The following SEZ6L variants were observed in gnomAD, a reference collection of about 807,000 sequenced individuals.
SEZ6L encodes the protein seizure related 6 homolog like.
A neutral mutation model predicts 106.2 loss-of-function variants in SEZ6L; 37 were observed. The observed-to-expected ratio is 0.35, with a 90% CI of 0.27 to 0.46. SEZ6L has a LOEUF of 0.46. SEZ6L is among the 20% of genes least tolerant of loss of function. The pLI, the probability that SEZ6L is intolerant of heterozygous loss-of-function variation, is 1.00. For synonymous variants in SEZ6L, 541 were observed against 570.4 expected (o/e 0.95, Z 0.73); for missense variants, 1,172 against 1,332.8 (o/e 0.88, Z 1.88).
intron 1 of SEZ6L, among the ~76,000 whole-genome samples, chr22:26,222,886 C>T (rs551625901): frequency 4.6e-5 from 7 of 151,992 alleles, no homozygotes; most frequent in Non-Finnish European, 1.0e-4. Flanking sequence ...TGTCTGGAGA[C>T]ATTTCTGGGG....
At chr22:26,264,658 G>A (rs748394543) in intron 1 of SEZ6L, among the ~76,000 whole-genome samples, 2 of 152,172 alleles carry the variant, frequency 1.3e-5, no homozygotes, top group South Asian at 2.1e-4. Flanking sequence ...AGTCTCTGGG[G>A]CATCTATTCA....
intron 16 of SEZ6L, among the ~76,000 whole-genome samples, chr22:26,378,936 T>C (rs145813838): frequency 0.012 from 1,863 of 152,310 alleles, 50 homozygotes; most frequent in African/African-American, 0.043. Flanking sequence ...GGGGCCTAAA[T>C]TAACAACATA....
At chr22:26,194,906 T>C (rs1446108356) in intron 1 of SEZ6L, among the ~76,000 whole-genome samples, 1 of 152,064 alleles carries the variant, frequency 6.6e-6, no homozygotes, top group African/African-American at 2.4e-5. Flanking sequence ...GTTCGAATTA[T>C]CTTATTTTAA....
At chr22:26,295,246 G>A (rs2081268105) in intron 3 of SEZ6L, among the ~76,000 whole-genome samples, 1 of 152,194 alleles carries the variant, frequency 6.6e-6, no homozygotes, top group African/African-American at 2.4e-5. Flanking sequence ...GCCCAGCAGA[G>A]AGAGAGGGAG....
intron 14 of SEZ6L, among the ~76,000 whole-genome samples, chr22:26,374,808 C>T (rs2084162422): frequency 6.6e-6 from 1 of 152,220 alleles, no homozygotes; most frequent in Non-Finnish European, 1.5e-5. Flanking sequence ...CAGCCCTCTG[C>T]CCCAGGCGCC....
rs892095033 is a variant in SEZ6L at position 26,381,433 on chromosome 22, C to G, written c.*1138C>G. On this transcript the variant is annotated 3_prime_UTR_variant, in exon 17 of 17. Coordinates refer to ENST00000248933, the MANE Select transcript of SEZ6L (RefSeq NM_021115.5). Reference sequence around the variant, plus strand: ...GAAACTATTTTTCTATTCTCCAAAGCTGTCTGGATGTTGGAGGGTGGTGTG... The same window carrying G: ...GAAACTATTTTTCTATTCTCCAAAGGTGTCTGGATGTTGGAGGGTGGTGTG... The G allele has an allele frequency of 2.0e-5, 3 of 152,246 alleles. No homozygotes were observed. The highest frequency in any genetic ancestry group is 7.2e-5 in the African/African-American group (3 of 41,436). 9.4% of individuals were successfully genotyped at this position (152,246 alleles called of 1,614,324 possible).
chr22:26,296,841 C>A (rs753496530), intron 3 of SEZ6L, 47 bp from the exon 4 acceptor site: 79 of 1,478,602 alleles, frequency 5.3e-5, no homozygotes, highest in Middle Eastern at 1.8e-4. Flanking sequence ...GGCTCTGTCT[C>A]AAACACAACT....
At chr22:26,348,632 GAAAGAAAGAAAGAA>G (rs1480369636) in intron 11 of SEZ6L, among the ~76,000 whole-genome samples, 18 of 29,316 alleles carry the variant, frequency 6.1e-4, no homozygotes, top group East Asian at 1.7e-3. Context: ...AAGAAAGAAA[GAAAGAAAGAAAGAA>G]AAAGAAAGAA....
chr22:26,199,785 A>G (rs1057393934), intron 1 of SEZ6L, among the ~76,000 whole-genome samples: 2 of 152,248 alleles, frequency 1.3e-5, no homozygotes, highest in Non-Finnish European at 1.5e-5. Context: ...TGGAAGTTGT[A>G]GATTCAGTTC....
At chr22:26,369,338 G>GTCCTTTTTTTT (rs2083927308) in intron 13 of SEZ6L, among the ~76,000 whole-genome samples, 1 of 83,618 alleles carries the variant, frequency 1.2e-5, no homozygotes, top group African/African-American at 7.3e-5. Context: ...TATATAAGCA[G>GTCCTTTTTTTT]TTCTTTTGTT....
intron 1 of SEZ6L, among the ~76,000 whole-genome samples, chr22:26,216,736 C>T (rs1052306605): frequency 1.3e-5 from 2 of 152,132 alleles, no homozygotes; most frequent in Non-Finnish European, 2.9e-5. Context: ...GTGAATAAAA[C>T]CAATTTGGCA....
At chr22:26,226,940 G>C (rs74323809) in intron 1 of SEZ6L, among the ~76,000 whole-genome samples, 21 of 152,348 alleles carry the variant, frequency 1.4e-4, no homozygotes, top group Admixed American at 2.6e-4. Flanking sequence ...AGAAAGAGGA[G>C]CTGGGGTCCT....
At chr22:26,290,642 A>G (rs2081080582) in intron 1 of SEZ6L, among the ~76,000 whole-genome samples, 1 of 152,266 alleles carries the variant, frequency 6.6e-6, no homozygotes, top group African/African-American at 2.4e-5. Flanking sequence ...TGATCCCAGG[A>G]GTTTGCAACC....
chr22:26,217,822 A>G (rs2078342309), intron 1 of SEZ6L, among the ~76,000 whole-genome samples: 1 of 152,260 alleles, frequency 6.6e-6, no homozygotes. Context: ...ATTTTCTAAA[A>G]TTCCCTTGCC....
chr22:26,274,790 G>A (rs544354473), intron 1 of SEZ6L, among the ~76,000 whole-genome samples: 1 of 152,278 alleles, frequency 6.6e-6, no homozygotes, highest in East Asian at 1.9e-4. Flanking sequence ...GTGTTGTGGC[G>A]ACACCCACAG....
At chr22:26,375,474 C>T (rs1426722102) in intron 14 of SEZ6L, 101 bp from the exon 15 acceptor site, 1 of 896,298 alleles carries the variant, frequency 1.1e-6, no homozygotes, top group Non-Finnish European at 1.8e-6. Context: ...AGCCTTAGAC[C>T]TTGGAAAGCC....
chr22:26,299,653 A>G (rs1316781892), intron 5 of SEZ6L, among the ~76,000 whole-genome samples: 1 of 152,244 alleles, frequency 6.6e-6, no homozygotes, highest in Admixed American at 6.5e-5. Flanking sequence ...ATGTATCAGT[A>G]CTTCATTTCT....
intron 5 of SEZ6L, among the ~76,000 whole-genome samples, chr22:26,301,350 G>A (rs547604416): frequency 5.9e-5 from 9 of 152,298 alleles, no homozygotes; most frequent in African/African-American, 2.2e-4. Context: ...AACATCCGCC[G>A]AGCGCCCACT....
At chr22:26,354,877 C>T (rs528806483) in intron 12 of SEZ6L, among the ~76,000 whole-genome samples, 1 of 152,274 alleles carries the variant, frequency 6.6e-6, no homozygotes, top group African/African-American at 2.4e-5. Flanking sequence ...ACGAGCCACG[C>T]GGGGTGTCAG....
Sources: gnomAD v4.1 joint callset for allele counts (sites outside exome capture counted in the v4.1 genomes callset) on GRCh38, gnomAD v4.1.1 for gene constraint, MANE v1.5 for transcripts, NCBI Gene and HGNC (gene_info 2026-07-23, HGNC 2026-07-21) for gene names.